The following NBAS variants were observed in gnomAD, a reference collection of about 807,000 sequenced individuals.
NBAS encodes the protein NAG/BC035112 fusion.
Under a neutral mutation model 302.5 loss-of-function variants are expected in NBAS, and 219 were observed. The observed-to-expected ratio is 0.72, with a 90% CI of 0.65 to 0.81. The LOEUF is 0.81. Among genes scored for constraint, NBAS ranks in the 30% least tolerant of loss-of-function variants. NBAS has a pLI of 0.00. For synonymous variants in NBAS, 1,118 were observed against 1,021.6 expected (o/e 1.09, Z -1.80); for missense variants, 2,932 against 2,841.6 (o/e 1.03, Z -0.72).
At chr2:15,198,140 T>C (rs1178331004) in intron 48 of NBAS, among the ~76,000 whole-genome samples, 2 of 152,230 alleles carry the variant, frequency 1.3e-5, no homozygotes, top group African/African-American at 4.8e-5. Context: ...CAAGCATAGT[T>C]AACTTGGATA....
At chr2:15,138,451 A>T in the NBAS span, among the ~76,000 whole-genome samples, 1 of 152,124 alleles carries the variant, frequency 6.6e-6, no homozygotes, top group Non-Finnish European at 1.5e-5. Context: ...ACAAAATCAC[A>T]ATGGTTATGA....
At chr2:15,423,086 A>G (rs1466150047) in intron 23 of NBAS, among the ~76,000 whole-genome samples, 1 of 152,170 alleles carries the variant, frequency 6.6e-6, no homozygotes, top group Non-Finnish European at 1.5e-5. Flanking sequence ...TCTATTTTAA[A>G]AGATTATACA....
chr2:15,013,636 T>C, the NBAS span, among the ~76,000 whole-genome samples: 1 of 151,916 alleles, frequency 6.6e-6, no homozygotes, highest in African/African-American at 2.4e-5. Flanking sequence ...ATAAAAAAAT[T>C]AGCTGGGTGT....
chr2:14,910,062 TCAGTTTAG>T, the NBAS span, among the ~76,000 whole-genome samples: 1 of 152,116 alleles, frequency 6.6e-6, no homozygotes, highest in Admixed American at 6.5e-5. Flanking sequence ...CCACAGATAA[TCAGTTTAG>T]CGGGGAGAGT....
chr2:14,942,020 G>A, the NBAS span, among the ~76,000 whole-genome samples: 8 of 152,284 alleles, frequency 5.3e-5, no homozygotes, highest in Admixed American at 1.3e-4. Flanking sequence ...ACTGCAAACC[G>A]TTGAGTACCA....
chr2:15,236,907 T>C (rs1369404535), intron 45 of NBAS, among the ~76,000 whole-genome samples: 1 of 152,180 alleles, frequency 6.6e-6, no homozygotes, highest in East Asian at 1.9e-4. Context: ...AATTTTAAGT[T>C]CTTCCCATTA....
At chr2:14,987,851 T>A in the NBAS span, among the ~76,000 whole-genome samples, 1 of 152,146 alleles carries the variant, frequency 6.6e-6, no homozygotes, top group Non-Finnish European at 1.5e-5. Context: ...TCGGTATATA[T>A]TCTTTTGCTC....
At chr2:15,481,343 A>G (rs1680419392) in intron 12 of NBAS, among the ~76,000 whole-genome samples, 4 of 152,314 alleles carry the variant, frequency 2.6e-5, no homozygotes, top group African/African-American at 7.2e-5. Flanking sequence ...TTTGATAATA[A>G]GCATGTATGT....
At chr2:15,288,663 G>T (rs1266323620) in intron 41 of NBAS, among the ~76,000 whole-genome samples, 1 of 152,196 alleles carries the variant, frequency 6.6e-6, no homozygotes, top group Admixed American at 6.5e-5. Flanking sequence ...ATTTTAGAAA[G>T]ACTACTGCAG....
intron 27 of NBAS, among the ~76,000 whole-genome samples, chr2:15,394,611 T>C (rs1364374567): frequency 1.3e-5 from 2 of 152,148 alleles, no homozygotes; most frequent in South Asian, 2.1e-4. Flanking sequence ...CCTATCTTTA[T>C]CTCAAAAATC....
At chr2:14,917,394 A>C in the NBAS span, among the ~76,000 whole-genome samples, 1 of 152,200 alleles carries the variant, frequency 6.6e-6, no homozygotes, top group Admixed American at 6.5e-5. Flanking sequence ...TCAACATGGA[A>C]GTTCACTTCA....
chr2:15,016,031 A>G, the NBAS span, among the ~76,000 whole-genome samples: 1 of 152,168 alleles, frequency 6.6e-6, no homozygotes, highest in Non-Finnish European at 1.5e-5. Context: ...CATTTACAAT[A>G]GCTACCAAAA....
At chr2:14,968,763 G>C in the NBAS span, among the ~76,000 whole-genome samples, 2 of 152,216 alleles carry the variant, frequency 1.3e-5, no homozygotes, top group Non-Finnish European at 2.9e-5. Flanking sequence ...AAATTGTAAA[G>C]TTGCTTTGGA....
the NBAS span, among the ~76,000 whole-genome samples, chr2:15,153,084 TC>T: frequency 6.6e-6 from 1 of 152,164 alleles, no homozygotes; most frequent in South Asian, 2.1e-4. Context: ...ACAGAACCCC[TC>T]CAAGTCAGAA....
chr2:15,205,502 T>A (rs570554017), intron 48 of NBAS, among the ~76,000 whole-genome samples: 1 of 150,724 alleles, frequency 6.6e-6, no homozygotes, highest in Admixed American at 6.6e-5. Context: ...GACCCAATGA[T>A]CTGTTGCCAG....
chr2:15,423,398 A>C (rs1288578373), intron 23 of NBAS, among the ~76,000 whole-genome samples: 2 of 152,212 alleles, frequency 1.3e-5, no homozygotes, highest in Non-Finnish European at 2.9e-5. Context: ...AATAGGAATT[A>C]GGTTAAGCAG....
At position 15,441,856 on chromosome 2, in the gene NBAS, G is replaced by C. The variant is rs1278782839; in HGVS notation, c.2340-14062C>G. On this transcript the variant is annotated intron_variant, in intron 21 of 51. Transcript: ENST00000281513. ...AACAAAAAAAGGCAGGGGTTGCAAT[G>C]CTAGTCTCTGATAAAACAGACTTTA... 7.4e-3 allele frequency among the ~76,000 whole-genome samples: 1,115 copies of C among 150,328 alleles called. 11 individuals carry two copies. Among genetic ancestry groups the C allele is most frequent in the East Asian group, 0.034 (165 of 4,910 alleles).
chr2:15,147,558 C>A, the NBAS span, among the ~76,000 whole-genome samples: 1 of 152,030 alleles, frequency 6.6e-6, no homozygotes, highest in Non-Finnish European at 1.5e-5. Context: ...CACCATTGCA[C>A]TCCAGCCTGG....
chr2:15,321,068 C>T (rs1328903501), intron 38 of NBAS, among the ~76,000 whole-genome samples: 2 of 152,100 alleles, frequency 1.3e-5, no homozygotes, highest in African/African-American at 2.4e-5. Flanking sequence ...TGGAACAGAA[C>T]AGAGCCCTCA....
Sources: allele counts gnomAD v4.1 joint callset (sites outside exome capture counted in the v4.1 genomes callset), GRCh38; gene constraint gnomAD v4.1.1; transcripts MANE v1.5; gene names NCBI Gene and HGNC (gene_info 2026-07-23, HGNC 2026-07-21).